The following DGKI variants were observed in gnomAD, a reference collection of about 807,000 sequenced individuals.
DGKI encodes the protein diacylglycerol kinase iota, also known as DAG kinase iota.
In DGKI, 55 loss-of-function variants were observed where a neutral mutation model predicts 147.5. The ratio of observed to expected loss-of-function variants is 0.37; its 90% CI spans 0.30 to 0.47. The LOEUF (loss-of-function observed/expected upper bound fraction) is 0.47, where lower values mean the gene tolerates loss of function less well. Among genes scored for constraint, DGKI ranks in the 20% least tolerant of loss-of-function variants. The probability of loss-of-function intolerance (pLI) is 1.00; values close to 1 mark genes in which losing one functional copy is unlikely to be tolerated. For missense variants in DGKI, 1,007 were observed against 1,323.8 expected, an observed-to-expected ratio of 0.76 and a Z score of 3.71; for synonymous variants, 469 against 477.1, an observed-to-expected ratio of 0.98 and a Z score of 0.22.
At chr7:137,498,953 T>C (rs998191595) in intron 21 of DGKI, among the ~76,000 whole-genome samples, 1 of 152,160 alleles carries the variant, frequency 6.6e-6, no homozygotes, top group Non-Finnish European at 1.5e-5. Context: ...CAGGAGTCAG[T>C]CATTACCTTG....
chr7:137,788,764 A>T (rs143976712), intron 1 of DGKI, among the ~76,000 whole-genome samples: 1 of 152,052 alleles, frequency 6.6e-6, no homozygotes, highest in African/African-American at 2.4e-5. Flanking sequence ...ACCTCCCTGC[A>T]GTCATTTCTA....
At chr7:137,768,168 G>A (rs1271983472) in intron 1 of DGKI, among the ~76,000 whole-genome samples, 1 of 152,180 alleles carries the variant, frequency 6.6e-6, no homozygotes, top group Non-Finnish European at 1.5e-5. Flanking sequence ...AAAGATGATG[G>A]TATTAGGTCG....
intron 28 of DGKI, among the ~76,000 whole-genome samples, chr7:137,436,294 T>C (rs1023696389): frequency 2.0e-5 from 3 of 152,158 alleles, no homozygotes; most frequent in Admixed American, 2.0e-4. Flanking sequence ...TGTTTTTCTG[T>C]GTCAAGGGTT....
chr7:137,791,498 C>T (rs1488223878), intron 1 of DGKI, among the ~76,000 whole-genome samples: 1 of 152,150 alleles, frequency 6.6e-6, no homozygotes, highest in Non-Finnish European at 1.5e-5. Context: ...CCAAGGCAAT[C>T]AGAAGAGCTG....
chr7:137,800,341 G>A (rs919620700), intron 1 of DGKI, among the ~76,000 whole-genome samples: 2 of 152,118 alleles, frequency 1.3e-5, no homozygotes, highest in African/African-American at 4.8e-5. Flanking sequence ...GGTGGGAGGC[G>A]TTTGGGTCAT....
rs566304264 is a variant in DGKI, at chr7:137,846,964, C to G, written c.-102G>C. ...CCCCGCCTCCCGCGCCCTCCCGCGC[C>G]GGCCCGCACCCTCCAGCCCCGCCGG... is the stretch of plus-strand genomic sequence containing the variant. On this transcript the variant is annotated 5_prime_UTR_variant, in exon 1 of 33. Coordinates refer to ENST00000614521, the MANE Select transcript of DGKI (RefSeq NM_001321708.2). The surrounding 1 kb of genome is among the most constrained non-coding windows in gnomAD (Gnocchi z 4.0). 15 of 909,302 alleles carry G rather than the reference C, an allele frequency of 1.6e-5. No individual in the cohort carries two copies. The African/African-American group carries it at 2.2e-4, about 13-fold the overall frequency. The allele number at this position is 909,302 out of a possible 1,614,324, so 56.3% of individuals were successfully genotyped here.
At chr7:137,445,320 T>G (rs568253526) in intron 27 of DGKI, among the ~76,000 whole-genome samples, 102 of 152,292 alleles carry the variant, frequency 6.7e-4, no homozygotes, top group African/African-American at 2.3e-3. Context: ...TTATTTCAAC[T>G]GTGCAAATCT....
At chr7:137,492,228 G>C (rs951974149) in intron 21 of DGKI, among the ~76,000 whole-genome samples, 2 of 152,160 alleles carry the variant, frequency 1.3e-5, no homozygotes, top group Admixed American at 6.5e-5. Context: ...AAAGTGATCA[G>C]AAAATTGAGA....
At chr7:137,519,063 T>A (rs960919256) in intron 21 of DGKI, among the ~76,000 whole-genome samples, 1 of 152,040 alleles carries the variant, frequency 6.6e-6, no homozygotes, top group African/African-American at 2.4e-5. Context: ...ACTTTTAGTG[T>A]CTTACATAAG....
intron 19 of DGKI, among the ~76,000 whole-genome samples, chr7:137,563,083 C>T (rs1303373320): frequency 6.6e-6 from 1 of 151,816 alleles, no homozygotes; most frequent in African/African-American, 2.4e-5. Context: ...GGGGCTTATC[C>T]TAGAAATGCA....
At chr7:137,524,784 T>C (rs796964406) in intron 20 of DGKI, among the ~76,000 whole-genome samples, 11 of 152,278 alleles carry the variant, frequency 7.2e-5, no homozygotes, top group African/African-American at 2.4e-4. Flanking sequence ...GTAAATCTAA[T>C]GGCAGTGGGC....
chr7:137,794,084 T>C (rs1439236241), intron 1 of DGKI, among the ~76,000 whole-genome samples: 1 of 152,196 alleles, frequency 6.6e-6, no homozygotes, highest in Non-Finnish European at 1.5e-5. Context: ...TCACTGAGGA[T>C]ACATATATAA....
At chr7:137,632,697 A>G (rs1821171100) in intron 6 of DGKI, among the ~76,000 whole-genome samples, 1 of 151,990 alleles carries the variant, frequency 6.6e-6, no homozygotes, top group African/African-American at 2.4e-5. Flanking sequence ...TCTCCACTAA[A>G]AATACAAAAA....
intron 22 of DGKI, among the ~76,000 whole-genome samples, chr7:137,486,680 CT>C (rs1815572145): frequency 6.6e-6 from 1 of 152,102 alleles, no homozygotes; most frequent in Admixed American, 6.6e-5. Flanking sequence ...TGCCTCTCCC[CT>C]GAATTTATTT....
At chr7:137,500,055 T>C (rs528850325) in intron 21 of DGKI, among the ~76,000 whole-genome samples, 34 of 152,172 alleles carry the variant, frequency 2.2e-4, no homozygotes, top group Non-Finnish European at 3.1e-4. Context: ...AGTATTTTGT[T>C]ACGGCAGCCA....
intron 21 of DGKI, among the ~76,000 whole-genome samples, chr7:137,516,338 T>A (rs184155608): frequency 1.2e-3 from 178 of 152,250 alleles, no homozygotes; most frequent in African/African-American, 4.0e-3. Flanking sequence ...TCTTAAGAAA[T>A]GTCTAGTTTA....
chr7:137,831,850 G>A (rs1798230071), intron 1 of DGKI, among the ~76,000 whole-genome samples: 1 of 152,224 alleles, frequency 6.6e-6, no homozygotes, highest in Non-Finnish European at 1.5e-5. Flanking sequence ...AAGTAAGCTA[G>A]TTACTTCCTA....
At chr7:137,471,294 G>A (rs751566508) in intron 23 of DGKI, among the ~76,000 whole-genome samples, 10 of 152,142 alleles carry the variant, frequency 6.6e-5, no homozygotes, top group Non-Finnish European at 7.3e-5. Flanking sequence ...ACTGGGGTGC[G>A]GCTGTGCAGG....
chr7:137,529,347 A>C (rs1817258384), intron 20 of DGKI, among the ~76,000 whole-genome samples: 1 of 152,164 alleles, frequency 6.6e-6, no homozygotes. Context: ...AATAAAAAAA[A>C]TCTATGCTTT....
Sources: allele counts gnomAD v4.1 joint callset (sites outside exome capture counted in the v4.1 genomes callset), GRCh38; gene constraint gnomAD v4.1.1; non-coding constraint Gnocchi (gnomAD v3.1); transcripts MANE v1.5; gene names NCBI Gene and HGNC (gene_info 2026-07-23, HGNC 2026-07-21).